ZFYVE28: variants seen among roughly 807,000 people sequenced by gnomAD.
The protein encoded by ZFYVE28 is lateral signaling target protein 2 homolog.
Under a neutral mutation model 82.1 loss-of-function variants are expected in ZFYVE28, and 40 were observed. That is an observed-to-expected ratio of 0.49 (90% CI 0.38 to 0.63). ZFYVE28 has a LOEUF of 0.63. ZFYVE28 is among the 30% of genes least tolerant of loss of function. The pLI is 0.00. For synonymous variants in ZFYVE28, 612 were observed against 546.1 expected, an observed-to-expected ratio of 1.12 and a Z score of -1.68; for missense variants, 1,321 against 1,242.1, an observed-to-expected ratio of 1.06 and a Z score of -0.96.
At chr4:2,353,164 C>T (rs1195875448) in intron 2 of ZFYVE28, among the ~76,000 whole-genome samples, 5 of 152,220 alleles carry the variant, frequency 3.3e-5, no homozygotes, top group Admixed American at 3.3e-4. Context: ...CACACAGGGC[C>T]CTAATGCTGC....
intron 8 of ZFYVE28, among the ~76,000 whole-genome samples, chr4:2,274,642 C>A (rs540485513): frequency 1.3e-5 from 2 of 152,162 alleles, no homozygotes; most frequent in African/African-American, 4.8e-5. Flanking sequence ...AGCCTGTGAA[C>A]GTGACCTCAT....
intron 8 of ZFYVE28, among the ~76,000 whole-genome samples, chr4:2,293,769 A>T (rs1157790466): frequency 6.6e-6 from 1 of 151,396 alleles, no homozygotes; most frequent in Non-Finnish European, 1.5e-5. Flanking sequence ...AAAAAAAAAA[A>T]AATCTTCTAG....
intron 8 of ZFYVE28, among the ~76,000 whole-genome samples, chr4:2,288,962 C>A (rs1713182767): frequency 6.6e-6 from 1 of 151,950 alleles, no homozygotes; most frequent in East Asian, 1.9e-4. Context: ...TGAGACCCTG[C>A]CTCAAAAATT....
At chr4:2,351,466 A>C (rs1486679024) in intron 2 of ZFYVE28, among the ~76,000 whole-genome samples, 1 of 152,148 alleles carries the variant, frequency 6.6e-6, no homozygotes, top group East Asian at 1.9e-4. Context: ...GTAATCCCAG[A>C]ACTTTGGGAG....
intron 1 of ZFYVE28, among the ~76,000 whole-genome samples, chr4:2,404,084 G>T (rs796242654): frequency 5.9e-5 from 9 of 152,056 alleles, no homozygotes; most frequent in African/African-American, 2.2e-4. Context: ...ACATTGGGAG[G>T]CTGAGACGGG....
At chr4:2,376,358 G>A (rs1728134142) in intron 1 of ZFYVE28, among the ~76,000 whole-genome samples, 3 of 106,794 alleles carry the variant, frequency 2.8e-5, no homozygotes, top group South Asian at 6.9e-4. Context: ...GCAACATAGT[G>A]AGACCCTATC....
rs765205692 is a variant in ZFYVE28, at chr4:2,332,649, C to T, written c.701+3056G>A. Among the ~76,000 whole-genome samples the T allele has an allele frequency of 6.6e-5, 10 of 152,220 alleles. No homozygotes were observed. The highest frequency in any genetic ancestry group is 1.7e-4 in the African/African-American group (7 of 41,440). On this transcript the variant is annotated intron_variant, in intron 6 of 12. Coordinates refer to ENST00000290974, the MANE Select transcript of ZFYVE28 (RefSeq NM_020972.3). This position sits in a 1 kb window ranked among gnomAD's most constrained non-coding sequence, Gnocchi z 4.7. ...AAGGAGCAGGTTCTGGGCCCCACCA[C>T]GGGCAGCTGTGGCCTCTGCCTGTCC...
intron 1 of ZFYVE28, among the ~76,000 whole-genome samples, chr4:2,413,545 G>A (rs934431964): frequency 8.5e-5 from 13 of 152,136 alleles, no homozygotes; most frequent in Middle Eastern, 3.4e-3. Flanking sequence ...CCCGCCAGGA[G>A]AGGGAGCACC....
Position 2,332,890 on chromosome 4 carries a change from G to C in ZFYVE28, c.701+2815C>G, listed in dbSNP as rs1483295772. 3.3e-5 allele frequency among the ~76,000 whole-genome samples: 5 copies of C among 152,136 alleles called. No individual in the cohort carries two copies. The highest frequency in any genetic ancestry group is 6.5e-5 in the Admixed American group (1 of 15,282). On this transcript the variant is annotated intron_variant, in intron 6 of 12. Coordinates refer to ENST00000290974, the MANE Select transcript of ZFYVE28 (RefSeq NM_020972.3). This position sits in a 1 kb window ranked among gnomAD's most constrained non-coding sequence, Gnocchi z 4.7. ...CACCCCACGGTTCCTCGTATCCACA[G>C]CCTGGCTCTGTGGCTAGATGCCTGC... is the stretch of plus-strand genomic sequence containing the variant.
chr4:2,418,195 A>G lies in ZFYVE28; in HGVS notation c.39+90T>C. The G allele has an allele frequency of 7.8e-7, 1 of 1,286,776 alleles. No individual in the cohort carries two copies. Among genetic ancestry groups the G allele is most frequent in the Non-Finnish European group, 1.1e-6 (1 of 952,054 alleles). 79.7% of individuals were successfully genotyped at this position (1,286,776 alleles called of 1,614,324 possible). On this transcript the variant is annotated intron_variant, in intron 1 of 12. Coordinates refer to ENST00000290974, the MANE Select transcript of ZFYVE28 (RefSeq NM_020972.3). The surrounding 1 kb of genome is among the most constrained non-coding windows in gnomAD (Gnocchi z 4.6). Reference sequence around the variant, plus strand: ...GAAGAGGCCGGCCACGGACAGGGAAAGGGAGTCCGTCTTGTAGGGCGGACG... The same window carrying G: ...GAAGAGGCCGGCCACGGACAGGGAAGGGGAGTCCGTCTTGTAGGGCGGACG...
At chr4:2,387,527 G>A (rs1416600713) in intron 1 of ZFYVE28, among the ~76,000 whole-genome samples, 3 of 152,240 alleles carry the variant, frequency 2.0e-5, no homozygotes, top group Admixed American at 2.0e-4. Flanking sequence ...ACGGGATATG[G>A]GGCCAGGAGC....
At chr4:2,369,675 G>T (rs1727281653) in intron 1 of ZFYVE28, among the ~76,000 whole-genome samples, 1 of 151,882 alleles carries the variant, frequency 6.6e-6, no homozygotes. Flanking sequence ...ATGGGGCGGA[G>T]ATCGGTGTGA....
chr4:2,384,862 CA>C (rs945320963), intron 1 of ZFYVE28, among the ~76,000 whole-genome samples: 63 of 152,324 alleles, frequency 4.1e-4, no homozygotes, highest in African/African-American at 1.5e-3. Context: ...AGGAGTCACA[CA>C]GAACTCTTGC....
chr4:2,295,566 CA>C (rs1346471939), intron 8 of ZFYVE28: 1 of 152,390 alleles, frequency 6.6e-6, no homozygotes, highest in Admixed American at 6.5e-5. Flanking sequence ...CTTTCCTGCC[CA>C]CCCTGCCCAC....
chr4:2,335,829 G>T lies in ZFYVE28; in HGVS notation c.612-35C>A. Reference sequence around the variant, plus strand: ...GAGACGGACAGTGAGCAGCATGAGGGCTGGCCCACCACAGCCACAGGTTGG... The same window carrying T: ...GAGACGGACAGTGAGCAGCATGAGGTCTGGCCCACCACAGCCACAGGTTGG... On this transcript the variant is annotated intron_variant, in intron 5 of 12. Transcript: ENST00000290974. This position sits in a 1 kb window ranked among gnomAD's most constrained non-coding sequence, Gnocchi z 5.8. 1 of 1,533,224 alleles carries T rather than the reference G, an allele frequency of 6.5e-7. No individual in the cohort carries two copies. The highest frequency in any genetic ancestry group is 8.8e-7 in the Non-Finnish European group (1 of 1,131,680). The allele number at this position is 1,533,224 out of a possible 1,614,324, so 95.0% of individuals were successfully genotyped here.
intron 8 of ZFYVE28, chr4:2,286,405 A>C (rs1160273321): frequency 1.3e-5 from 2 of 152,322 alleles, no homozygotes; most frequent in African/African-American, 2.4e-5. Flanking sequence ...CGAGGATGTC[A>C]AGTGCTAAGC....
chr4:2,338,751 G>A (rs1722268125), intron 4 of ZFYVE28, among the ~76,000 whole-genome samples: 2 of 152,210 alleles, frequency 1.3e-5, no homozygotes, highest in East Asian at 3.8e-4. Flanking sequence ...TCTCCTAGGG[G>A]CCAGTAGATT....
At chr4:2,407,250 T>C (rs1732023450) in intron 1 of ZFYVE28, among the ~76,000 whole-genome samples, 1 of 152,132 alleles carries the variant, frequency 6.6e-6, no homozygotes, top group South Asian at 2.1e-4. Flanking sequence ...AAAACTGTCT[T>C]CCATTTTGCT....
rs1356778787 is a variant in ZFYVE28, at chr4:2,269,651, T to A, written c.*1074A>T. Reference sequence around the variant, plus strand: ...GCTTCAAATTACAGCATTTAGAAAATAAATATAATCTCAATACATAATATT... The same window carrying A: ...GCTTCAAATTACAGCATTTAGAAAAAAAATATAATCTCAATACATAATATT... On this transcript the variant is annotated 3_prime_UTR_variant, in exon 13 of 13. Coordinates refer to ENST00000290974, the MANE Select transcript of ZFYVE28 (RefSeq NM_020972.3). 6.6e-6 allele frequency: 1 copy of A among 152,154 alleles called. No individual in the cohort carries two copies. The highest frequency in any genetic ancestry group is 1.5e-5 in the Non-Finnish European group (1 of 68,038). The allele number at this position is 152,154 out of a possible 1,614,324, so 9.4% of individuals were successfully genotyped here.
Sources: allele counts gnomAD v4.1 joint callset (sites outside exome capture counted in the v4.1 genomes callset), GRCh38; gene constraint gnomAD v4.1.1; non-coding constraint Gnocchi (gnomAD v3.1); transcripts MANE v1.5; gene names NCBI Gene and HGNC (gene_info 2026-07-23, HGNC 2026-07-21).